The following NPAS3 variants were observed in gnomAD, a reference collection of about 807,000 sequenced individuals.
The protein encoded by NPAS3 is neuronal PAS domain-containing protein 3.
In NPAS3, 14 loss-of-function variants were observed where a neutral mutation model predicts 73.1. The observed-to-expected ratio is 0.19, with a 90% CI of 0.13 to 0.30. The LOEUF is 0.30. Among genes scored for constraint, NPAS3 ranks in the 10% least tolerant of loss-of-function variants. NPAS3 has a pLI of 1.00. For synonymous variants in NPAS3, 620 were observed against 541.5 expected (o/e 1.14, Z -2.01); for missense variants, 1,096 against 1,250.0 (o/e 0.88, Z 1.86).
At chr14:33,775,154 G>C (rs1025281649) in intron 8 of NPAS3, among the ~76,000 whole-genome samples, 1 of 152,032 alleles carries the variant, frequency 6.6e-6, no homozygotes, top group Middle Eastern at 3.2e-3. Flanking sequence ...TTTCCATTAA[G>C]CACAAAGCAA....
rs1439210686 is a variant in NPAS3, at chr14:33,097,618, G to C, written c.140+41624G>C. On this transcript the variant is annotated intron_variant, in intron 2 of 11. Coordinates refer to ENST00000356141, the Ensembl canonical transcript of NPAS3. ...TAGATAATGCCAATTTTCCAAAGTG[G>C]TTGTACCAATCAGCAATATATGAGA... is the stretch of plus-strand genomic sequence containing the variant. Among the ~76,000 whole-genome samples, 3 of 152,296 alleles carry C rather than the reference G, an allele frequency of 2.0e-5. No individual in the cohort carries two copies. In the East Asian group the frequency reaches 5.8e-4, roughly 29 times the overall value.
At chr14:33,236,254 C>A (rs572016532) in intron 3 of NPAS3, among the ~76,000 whole-genome samples, 1 of 152,102 alleles carries the variant, frequency 6.6e-6, no homozygotes, top group South Asian at 2.1e-4. Context: ...TCTTCCTGAC[C>A]ATCAGGTTCC....
intron 5 of NPAS3, among the ~76,000 whole-genome samples, chr14:33,578,628 T>G (rs1314242863): frequency 6.6e-6 from 1 of 152,212 alleles, no homozygotes; most frequent in Non-Finnish European, 1.5e-5. Flanking sequence ...ACTGAATATC[T>G]TCCAACTTCC....
At chr14:33,160,957 T>G (rs542918221) in intron 2 of NPAS3, among the ~76,000 whole-genome samples, 2 of 152,328 alleles carry the variant, frequency 1.3e-5, no homozygotes, top group South Asian at 4.1e-4. Flanking sequence ...TGGAGAAATA[T>G]GGTACTGAGC....
chr14:33,597,455 G>A (rs183381592), intron 5 of NPAS3, among the ~76,000 whole-genome samples: 96 of 152,292 alleles, frequency 6.3e-4, no homozygotes, highest in African/African-American at 2.0e-3. Flanking sequence ...AGTAATTTTC[G>A]TCTAAAGTAA....
chr14:33,376,769 C>G (rs1382349436), intron 4 of NPAS3, among the ~76,000 whole-genome samples: 1 of 152,164 alleles, frequency 6.6e-6, no homozygotes, highest in African/African-American at 2.4e-5. Context: ...GTCTCTTGCC[C>G]TCTCTAAGCC....
chr14:32,962,606 C>T lies in NPAS3; in HGVS notation c.50+23240C>T, dbSNP rs543069187. ...TTTTTTTTTGAGACTGGGTCTCGCTCTGTCACCCAGGCTGGAGTGCAGTGG... is the reference window on the plus strand; with the variant it reads ...TTTTTTTTTGAGACTGGGTCTCGCTTTGTCACCCAGGCTGGAGTGCAGTGG... On this transcript the variant is annotated intron_variant, in intron 1 of 11. Coordinates refer to ENST00000356141, the Ensembl canonical transcript of NPAS3. 5.7e-3 allele frequency among the ~76,000 whole-genome samples: 721 copies of T among 126,308 alleles called. 2 individuals are homozygous for T. The highest frequency in any genetic ancestry group is 8.5e-3 in the Non-Finnish European group (536 of 63,382). 82.9% of individuals were successfully genotyped at this position (126,308 alleles called of 152,430 possible).
At chr14:33,658,623 C>G (rs2059217304) in intron 5 of NPAS3, among the ~76,000 whole-genome samples, 1 of 152,142 alleles carries the variant, frequency 6.6e-6, no homozygotes, top group Non-Finnish European at 1.5e-5. Context: ...CCCAGGGACT[C>G]CTTAACCTGG....
chr14:33,089,043 T>TCAAAGGTAGATAAAACCACAAAGAG (rs2042131656), intron 2 of NPAS3, among the ~76,000 whole-genome samples: 1 of 57,258 alleles, frequency 1.7e-5, no homozygotes, highest in African/African-American at 1.5e-4. Flanking sequence ...ATCATCAAGA[T>TCAAAGGTAGATAAAACCACAAAGAG]GAGGAAGAAA....
At chr14:33,533,203 G>A (rs896722166) in intron 4 of NPAS3, among the ~76,000 whole-genome samples, 9 of 151,980 alleles carry the variant, frequency 5.9e-5, no homozygotes, top group Non-Finnish European at 7.4e-5. Flanking sequence ...AAAAGATACC[G>A]TAAATAAAAT....
At chr14:33,163,623 G>GTTT (rs71448290) in intron 2 of NPAS3, among the ~76,000 whole-genome samples, 60 of 110,586 alleles carry the variant, frequency 5.4e-4, no homozygotes, top group African/African-American at 1.0e-3. Context: ...GTGTTTTGTT[G>GTTT]TTTTTTTTTT....
intron 1 of NPAS3, among the ~76,000 whole-genome samples, chr14:32,953,087 C>T (rs893971929): frequency 3.0e-5 from 3 of 101,146 alleles, no homozygotes; most frequent in African/African-American, 1.2e-4. Flanking sequence ...AATCATCAAA[C>T]AAAAAGCAAA....
intron 2 of NPAS3, among the ~76,000 whole-genome samples, chr14:33,070,336 A>G (rs906168375): frequency 2.6e-5 from 4 of 151,792 alleles, no homozygotes; most frequent in Non-Finnish European, 4.4e-5. Context: ...CAGCAACTAT[A>G]TGGCCTCCAA....
intron 2 of NPAS3, among the ~76,000 whole-genome samples, chr14:33,081,193 T>C (rs2041853699): frequency 6.6e-6 from 1 of 152,118 alleles, no homozygotes; most frequent in South Asian, 2.1e-4. Context: ...AGACTAGAGC[T>C]CTATTACCTT....
chr14:32,972,040 G>A (rs2037453535), intron 1 of NPAS3, among the ~76,000 whole-genome samples: 2 of 147,128 alleles, frequency 1.4e-5, no homozygotes, highest in Admixed American at 1.4e-4. Flanking sequence ...CTGGGTTCAC[G>A]CCATTCTCTT....
intron 1 of NPAS3, among the ~76,000 whole-genome samples, chr14:32,954,561 GTTCA>G (rs1415029609): frequency 6.6e-6 from 1 of 152,062 alleles, no homozygotes; most frequent in Non-Finnish European, 1.5e-5. Flanking sequence ...TTGTTTTCTA[GTTCA>G]TTCTTTCTTC....
intron 2 of NPAS3, among the ~76,000 whole-genome samples, chr14:33,095,894 G>A (rs1007515107): frequency 6.6e-6 from 1 of 151,362 alleles, no homozygotes; most frequent in African/African-American, 2.4e-5. Flanking sequence ...GGATGGTCTC[G>A]ATCTCCTGAC....
chr14:32,939,396 G>T lies in NPAS3; in HGVS notation c.50+30G>T, dbSNP rs1335517702. 7.9e-6 allele frequency: 5 copies of T among 628,952 alleles called. No individual in the cohort carries two copies. The South Asian group carries it at 8.6e-5, about 11-fold the overall frequency. The allele number at this position is 628,952 out of a possible 1,614,324, so 39.0% of individuals were successfully genotyped here. On this transcript the variant is annotated intron_variant, in intron 1 of 11. Coordinates refer to ENST00000356141, the Ensembl canonical transcript of NPAS3. The stretch of plus-strand genomic sequence containing the variant: ...CACTTTTCTGTTTATTGAACCTGCC[G>T]CCGGGCCGCTGCTCCCGCCGCCGCC...
rs181405209 is a variant in NPAS3, at chr14:33,506,863, C to T, written c.469-53258C>T. ...TGTATGTTTTCTATTTATTTTTCTCCGTACTGCTGAAGGTCTTATTTCACT... is the reference window on the plus strand; with the variant it reads ...TGTATGTTTTCTATTTATTTTTCTCTGTACTGCTGAAGGTCTTATTTCACT... On this transcript the variant is annotated intron_variant, in intron 4 of 11. Coordinates refer to ENST00000356141, the Ensembl canonical transcript of NPAS3. 9.2e-4 allele frequency among the ~76,000 whole-genome samples: 140 copies of T among 152,096 alleles called. 3 individuals carry two copies. Among genetic ancestry groups the T allele is most frequent in the Admixed American group, 7.2e-4 (11 of 15,264 alleles).
Sources: allele counts gnomAD v4.1 joint callset (sites outside exome capture counted in the v4.1 genomes callset), GRCh38; gene constraint gnomAD v4.1.1; transcripts MANE v1.5; gene names NCBI Gene and HGNC (gene_info 2026-07-23, HGNC 2026-07-21).